CDH9: variants seen among roughly 807,000 people sequenced by gnomAD.
CDH9 encodes cadherin 9, also known as cadherin-9.
In CDH9, 28 loss-of-function variants were observed where a neutral mutation model predicts 70.9. The observed-to-expected ratio is 0.40, with a 90% CI of 0.29 to 0.54. CDH9 has a LOEUF of 0.54. Ranked by LOEUF, CDH9 falls within the 20% of genes least tolerant of loss-of-function variation. The pLI is 0.59. For synonymous variants in CDH9, 409 were observed against 343.1 expected, an observed-to-expected ratio of 1.19 and a Z score of -2.12; for missense variants, 874 against 984.4, an observed-to-expected ratio of 0.89 and a Z score of 1.50.
chr5:26,930,431 A>G (rs1319599764), intron 2 of CDH9, among the ~76,000 whole-genome samples: 1 of 152,138 alleles, frequency 6.6e-6, no homozygotes, highest in Non-Finnish European at 1.5e-5. Context: ...TGGAAATCAC[A>G]TATGTGAAAA....
intron 1 of CDH9, among the ~76,000 whole-genome samples, chr5:26,998,385 A>C (rs575134259): frequency 6.6e-6 from 1 of 152,326 alleles, no homozygotes; most frequent in Admixed American, 6.5e-5. Context: ...TACACATGGA[A>C]TACTATGCAG....
At chr5:26,963,751 C>A (rs1742080063) in intron 2 of CDH9, among the ~76,000 whole-genome samples, 1 of 152,102 alleles carries the variant, frequency 6.6e-6, no homozygotes, top group East Asian at 1.9e-4. Context: ...AAAGATACAT[C>A]ATTTCAATGG....
intron 2 of CDH9, among the ~76,000 whole-genome samples, chr5:26,977,314 G>T (rs1175237): frequency 6.6e-6 from 1 of 151,818 alleles, no homozygotes; most frequent in Non-Finnish European, 1.5e-5. Flanking sequence ...GAGGACTACA[G>T]TTGGGGAGCT....
chr5:26,891,322 T>C (rs1740655997), intron 7 of CDH9, among the ~76,000 whole-genome samples: 1 of 152,210 alleles, frequency 6.6e-6, no homozygotes. Flanking sequence ...GTTAAAACAC[T>C]GAAACAGGGA....
At chr5:27,031,243 G>A (rs532620987) in intron 1 of CDH9, among the ~76,000 whole-genome samples, 4 of 151,652 alleles carry the variant, frequency 2.6e-5, no homozygotes, top group East Asian at 2.0e-4. Flanking sequence ...ATAGAAAACC[G>A]CTATATTGTA....
intron 1 of CDH9, among the ~76,000 whole-genome samples, chr5:27,013,556 G>T (rs535823764): frequency 3.4e-4 from 52 of 151,960 alleles, no homozygotes; most frequent in African/African-American, 1.2e-3. Flanking sequence ...TGGAAAAAGG[G>T]TTTATGAGCT....
chr5:26,967,981 G>A (rs939149114), intron 2 of CDH9, among the ~76,000 whole-genome samples: 2 of 151,926 alleles, frequency 1.3e-5, no homozygotes, highest in Non-Finnish European at 2.9e-5. Flanking sequence ...CCAAAATGCT[G>A]TGATTACAAA....
At chr5:26,907,682 C>T (rs1212502426) in intron 3 of CDH9, among the ~76,000 whole-genome samples, 13 of 152,122 alleles carry the variant, frequency 8.5e-5, no homozygotes, top group Admixed American at 7.2e-4. Flanking sequence ...TTAAAATTAT[C>T]TTTTCCTGAA....
At chr5:26,958,964 T>C (rs758840234) in intron 2 of CDH9, among the ~76,000 whole-genome samples, 9 of 152,148 alleles carry the variant, frequency 5.9e-5, no homozygotes, top group African/African-American at 2.4e-5. Context: ...ATATTCTTAG[T>C]ATGATGTCAA....
At position 26,885,779 on chromosome 5, in the gene CDH9, T is replaced by C. The variant is rs377660998; in HGVS notation, c.1717A>G (p.Asn573Asp). 9 of 1,613,958 alleles carry C rather than the reference T, an allele frequency of 5.6e-6. No homozygotes were observed. Among genetic ancestry groups the C allele is most frequent in the East Asian group, 2.2e-5 (1 of 44,864 alleles). The stretch of plus-strand genomic sequence containing the variant: ...GTGCTGCTTTGAATTGGATAATCGT[T>C]GTCAAAGATTAAAATCGGCAATAAG... ...TYLLPILIFDNDYPIQSSTGT... is the reference protein window; with the variant it reads ...TYLLPILIFDDDYPIQSSTGT... Residue 573 changes from asparagine to aspartate, a missense_variant, in exon 11 of 12, where the codon AAC (asparagine) becomes GAC (aspartate). Physicochemically the swap from Asn to Asp is conservative, Grantham distance 23 (BLOSUM62 1). Transcript: ENST00000231021.
At chr5:26,951,664 T>A (rs1382071450) in intron 2 of CDH9, among the ~76,000 whole-genome samples, 1 of 152,054 alleles carries the variant, frequency 6.6e-6, no homozygotes, top group Non-Finnish European at 1.5e-5. Context: ...ATATTCTGAG[T>A]TTTTTCCTAT....
rs769934258 is a variant in CDH9 at position 26,890,605 on chromosome 5, G to A, written c.1254-41C>T. The A allele has an allele frequency of 4.1e-6, 6 of 1,469,086 alleles. No individual in the cohort carries two copies. In the African/African-American group the frequency reaches 8.3e-5, roughly 20 times the overall value. 91.0% of individuals were successfully genotyped at this position (1,469,086 alleles called of 1,614,324 possible). On this transcript the variant is annotated intron_variant, in intron 7 of 11. Transcript: ENST00000231021. ...CTCATAAATCCAGGCATTCTTCTAA[G>A]GTTATTAGTTCTACTCTTTCTTAAA...
Position 26,915,879 on chromosome 5 carries a change from G to T in CDH9, c.274C>A (p.Leu92Ile). ...DKGDGNLKYI[L>I]TGDGAGSLFV... The stretch of plus-strand genomic sequence containing the variant: ...AGACTGCCAGCCCCATCTCCTGTTA[G>T]TATGTATTTTAAATTTCCATCTCCT... The change falls in exon 3 of 12, where the codon CTA becomes ATA. Residue 92 changes from leucine to isoleucine, a missense_variant. Physicochemically the swap from Leu to Ile is conservative, Grantham distance 5. Transcript: ENST00000231021. 1 of 1,611,562 alleles carries T rather than the reference G, an allele frequency of 6.2e-7. No individual in the cohort carries two copies. The highest frequency in any genetic ancestry group is 8.5e-7 in the Non-Finnish European group (1 of 1,178,060).
intron 1 of CDH9, among the ~76,000 whole-genome samples, chr5:27,029,361 A>T (rs1358368334): frequency 6.6e-6 from 1 of 152,032 alleles, no homozygotes; most frequent in East Asian, 1.9e-4. Flanking sequence ...TACTGAAGAG[A>T]AAATATAGTA....
chr5:27,019,953 A>T (rs866822252), intron 1 of CDH9, among the ~76,000 whole-genome samples: 2 of 151,842 alleles, frequency 1.3e-5, no homozygotes, highest in South Asian at 4.1e-4. Flanking sequence ...GTGAAATTAA[A>T]TACATTACAA....
chr5:26,925,305 A>T (rs549041459), intron 2 of CDH9, among the ~76,000 whole-genome samples: 127 of 152,188 alleles, frequency 8.3e-4, no homozygotes, highest in African/African-American at 2.8e-3. Flanking sequence ...ACCAGTGATG[A>T]TGAGCATTTT....
chr5:26,925,222 T>C (rs1741315919), intron 2 of CDH9, among the ~76,000 whole-genome samples: 1 of 152,198 alleles, frequency 6.6e-6, no homozygotes, highest in African/African-American at 2.4e-5. Flanking sequence ...TCTTGTTTCC[T>C]GACTTTTTAA....
At chr5:26,965,170 T>G (rs925102130) in intron 2 of CDH9, among the ~76,000 whole-genome samples, 9 of 152,120 alleles carry the variant, frequency 5.9e-5, no homozygotes, top group Non-Finnish European at 1.3e-4. Flanking sequence ...ATAGAACAAT[T>G]AAGTTATTCT....
At chr5:27,030,848 G>A (rs1359879358) in intron 1 of CDH9, among the ~76,000 whole-genome samples, 2 of 151,662 alleles carry the variant, frequency 1.3e-5, no homozygotes, top group Non-Finnish European at 2.9e-5. Flanking sequence ...TAAATATAGT[G>A]AGAGTAATTC....
Sources: allele counts gnomAD v4.1 joint callset (sites outside exome capture counted in the v4.1 genomes callset), GRCh38; gene constraint gnomAD v4.1.1; transcripts MANE v1.5; gene names NCBI Gene and HGNC (gene_info 2026-07-23, HGNC 2026-07-21).